Variants in CTH observed in about 807,000 individuals in gnomAD.
The protein encoded by CTH is cystathionase (cystathionine gamma-lyase).
A neutral mutation model predicts 50.6 loss-of-function variants in CTH; 41 were observed. The ratio of observed to expected loss-of-function variants is 0.81; its 90% CI spans 0.63 to 1.05. The LOEUF is 1.05. CTH is among the 50% of genes least tolerant of loss of function. CTH has a pLI of 0.00. For synonymous variants in CTH, 156 were observed against 168.9 expected (o/e 0.92, Z 0.59); for missense variants, 470 against 492.6 (o/e 0.95, Z 0.43).
intron 8 of CTH, 80 bp from the exon 9 acceptor site, chr1:70,433,748 C>G (rs1286462409): frequency 6.3e-6 from 10 of 1,593,978 alleles, no homozygotes; most frequent in Admixed American, 1.7e-5. Context: ...GTTAAGTAGA[C>G]AGTGAAAAAT....
intron 11 of CTH, 47 bp from the exon 12 acceptor site, chr1:70,439,054 G>C: frequency 6.3e-7 from 1 of 1,579,074 alleles, no homozygotes; most frequent in Non-Finnish European, 8.7e-7. Context: ...TTGAAGCTAT[G>C]GCCTATATGT....
rs752194480 is a variant in CTH, at chr1:70,421,676, G to A, written c.456+1G>A. On this transcript the variant is annotated splice_donor_variant, in intron 4 of 11. Transcript: ENST00000370938. LOFTEE classifies it high-confidence loss of function. The stretch of plus-strand genomic sequence containing the variant: ...GGCAGCAATTACACCAGAAACCAAG[G>A]TAACTCAGCTCATTTTCAGTTTTGC... The A allele has an allele frequency of 6.2e-7, 1 of 1,613,744 alleles. No homozygotes were observed. Among genetic ancestry groups the A allele is most frequent in the Non-Finnish European group, 8.5e-7 (1 of 1,179,782 alleles).
chr1:70,419,120 C>T (rs1684158236), intron 3 of CTH, among the ~76,000 whole-genome samples: 1 of 151,778 alleles, frequency 6.6e-6, no homozygotes, highest in South Asian at 2.1e-4. Flanking sequence ...TGATAGTTTC[C>T]AGCTTCATCC....
At chr1:70,438,515 C>T (rs943373841) in intron 10 of CTH, among the ~76,000 whole-genome samples, 173 bp from the exon 11 acceptor site, 9 of 152,098 alleles carry the variant, frequency 5.9e-5, no homozygotes, top group African/African-American at 2.2e-4. Context: ...AAAATCATAG[C>T]TAGAAGAGAT....
intron 1 of CTH, among the ~76,000 whole-genome samples, chr1:70,412,327 C>T (rs1683984588): frequency 6.6e-6 from 1 of 152,212 alleles, no homozygotes. Context: ...AACTCATGAC[C>T]GGGTGCAGTG....
At chr1:70,433,258 TA>T (rs1423818253) in intron 8 of CTH, among the ~76,000 whole-genome samples, 1 of 152,168 alleles carries the variant, frequency 6.6e-6, no homozygotes, top group African/African-American at 2.4e-5. Flanking sequence ...CATATGAAAC[TA>T]AATGCCCTAA....
In CTH at chr1:70,439,520, A is replaced by AT. The variant is rs899057687; in HGVS notation, c.*400dup. ...AACGAATGTTCTTAAATCAAGTGTGATTTTTTTGCATATCATTGAAAAGAA... is the reference window on the plus strand; with the variant it reads ...AACGAATGTTCTTAAATCAAGTGTGATTTTTTTTGCATATCATTGAAAAGAA... On this transcript the variant is annotated 3_prime_UTR_variant, in exon 12 of 12. Transcript: ENST00000370938. The AT allele has an allele frequency of 1.0e-5, 2 of 198,856 alleles. No homozygotes were observed. Among genetic ancestry groups the AT allele is most frequent in the African/African-American group, 2.4e-5 (1 of 42,510 alleles). The allele number at this position is 198,856 out of a possible 1,614,324, so 12.3% of individuals were successfully genotyped here.
At chr1:70,417,175 A>T (rs181383977) in intron 2 of CTH, among the ~76,000 whole-genome samples, 188 of 152,274 alleles carry the variant, frequency 1.2e-3, no homozygotes, top group African/African-American at 4.3e-3. Context: ...TTATCAGACA[A>T]ATCTCAGGTC....
At position 70,430,392 on chromosome 1, in the gene CTH, A is replaced by T. The variant is rs1348525296; in HGVS notation, c.722A>T (p.Asn241Ile). The T allele has an allele frequency of 2.0e-6, 3 of 1,530,194 alleles. No homozygotes were observed. Among genetic ancestry groups the T allele is most frequent in the Non-Finnish European group, 2.7e-6 (3 of 1,103,564 alleles). 94.8% of individuals were successfully genotyped at this position (1,530,194 alleles called of 1,614,324 possible). A position where few individuals can be genotyped will look rare whatever the true frequency, so the allele number is the denominator to read the frequency against. Residue 241 changes from asparagine to isoleucine, a missense_variant and splice_region_variant, in exon 7 of 12, where the codon AAC (asparagine) becomes ATC (isoleucine). Physicochemically the swap from Asn to Ile is moderately radical, Grantham distance 149. Transcript: ENST00000370938. ...SLHNRLRFLQ[N>I]SLGAVPSPID... The stretch of plus-strand genomic sequence containing the variant: ...CATAATAGACTTCGTTTCTTGCAAA[A>T]CTGTAAGTATTAAAAAGTGCAGGTT...
In CTH at chr1:70,424,460, A is replaced by G. The variant is rs368437423; in HGVS notation, c.588+44A>G. 49 of 1,611,556 alleles carry G rather than the reference A, an allele frequency of 3.0e-5. No homozygotes were observed. The African/African-American group carries it at 3.6e-4, about 12-fold the overall frequency. ...TTTTGGCACAATTAGTAGACCACAT[A>G]TATCTGTAATTAGGAAAGAAAGGAC... On this transcript the variant is annotated intron_variant, in intron 5 of 11. Transcript: ENST00000370938.
chr1:70,417,469 A>G (rs528418248), intron 2 of CTH, among the ~76,000 whole-genome samples: 2 of 151,514 alleles, frequency 1.3e-5, no homozygotes, highest in Non-Finnish European at 2.9e-5. Flanking sequence ...ATTTTTAGTA[A>G]ACACAGAGTT....
Position 70,433,886 on chromosome 1 carries a change from G to A in CTH, c.936G>A (p.Gly312=). Reference sequence around the variant, plus strand: ...AGCGTCAGTGTACAGGTTGTACAGGGATGGTCACCTTTTATATTAAGGGCA... The same window carrying A: ...AGCGTCAGTGTACAGGTTGTACAGGAATGGTCACCTTTTATATTAAGGGCA... The part of the protein sequence containing the change: ...LVKRQCTGCT[G]MVTFYIKGTL... The change falls in exon 9 of 12, where the codon GGG becomes GGA. Residue 312 remains glycine (G), a synonymous_variant. Transcript: ENST00000370938. 1 of 1,614,110 alleles carries A rather than the reference G, an allele frequency of 6.2e-7. No individual in the cohort carries two copies. Among genetic ancestry groups the A allele is most frequent in the Non-Finnish European group, 8.5e-7 (1 of 1,180,002 alleles).
At chr1:70,419,878 A>T (rs1369069508) in intron 3 of CTH, among the ~76,000 whole-genome samples, 1 of 152,232 alleles carries the variant, frequency 6.6e-6, no homozygotes, top group Non-Finnish European at 1.5e-5. Context: ...CCAAATAATT[A>T]AAATGTGATT....
chr1:70,434,810 T>G, intron 9 of CTH: 1 of 197,470 alleles, frequency 5.1e-6, no homozygotes, highest in East Asian at 1.3e-4. Flanking sequence ...TGGAGTTCAG[T>G]GGCATGATCT....
intron 10 of CTH, among the ~76,000 whole-genome samples, 196 bp downstream of exon 10, chr1:70,435,373 G>A (rs1684576245): frequency 6.6e-6 from 1 of 151,962 alleles, no homozygotes; most frequent in Non-Finnish European, 1.5e-5. Context: ...GTTAGTGAGC[G>A]GTGTCCTCCC....
intron 3 of CTH, among the ~76,000 whole-genome samples, chr1:70,420,950 T>C (rs1052357248): frequency 6.6e-6 from 1 of 152,186 alleles, no homozygotes; most frequent in Admixed American, 6.6e-5. Context: ...TTGTTGTTGT[T>C]ATTGAGTATC....
At chr1:70,416,599 T>C (rs1019242245) in intron 2 of CTH, among the ~76,000 whole-genome samples, 3 of 150,746 alleles carry the variant, frequency 2.0e-5, no homozygotes, top group Non-Finnish European at 4.4e-5. Context: ...GTCTTGCTCT[T>C]GTCGCTCAGG....
At chr1:70,419,550 T>C (rs1684167363) in intron 3 of CTH, among the ~76,000 whole-genome samples, 1 of 152,256 alleles carries the variant, frequency 6.6e-6, no homozygotes, top group Non-Finnish European at 1.5e-5. Context: ...ACTGTGGTTT[T>C]GATTTGCATT....
chr1:70,413,586 C>A (rs1027442010), intron 1 of CTH, among the ~76,000 whole-genome samples: 4 of 151,844 alleles, frequency 2.6e-5, no homozygotes, highest in African/African-American at 9.7e-5. Context: ...TTCAAACATG[C>A]AGTTCGTTTC....
Sources: allele counts gnomAD v4.1 joint callset (sites outside exome capture counted in the v4.1 genomes callset), GRCh38; gene constraint gnomAD v4.1.1; transcripts MANE v1.5; gene names NCBI Gene and HGNC (gene_info 2026-07-23, HGNC 2026-07-21).